The following RIMKLB variants were observed in gnomAD, a reference collection of about 807,000 sequenced individuals.
The protein encoded by RIMKLB is beta-citrylglutamate synthase B.
RIMKLB carries 7 observed loss-of-function variants against 32.0 expected under a neutral mutation model. The ratio of observed to expected loss-of-function variants is 0.22; its 90% CI spans 0.12 to 0.41. The LOEUF (loss-of-function observed/expected upper bound fraction) is 0.41. Ranked by LOEUF, RIMKLB falls within the 10% of genes least tolerant of loss-of-function variation. The pLI is 1.00. For synonymous variants in RIMKLB, 172 were observed against 185.1 expected (o/e 0.93, Z 0.57); for missense variants, 289 against 498.7 (o/e 0.58, Z 4.00).
chr12:8,755,497 A>G (rs1310866394), intron 5 of RIMKLB, among the ~76,000 whole-genome samples: 1 of 152,078 alleles, frequency 6.6e-6, no homozygotes, highest in Non-Finnish European at 1.5e-5. Flanking sequence ...TCATATTCAA[A>G]TTGTCAGGAA....
chr12:8,720,226 TAAAACA>T (rs1486972379), intron 2 of RIMKLB, among the ~76,000 whole-genome samples: 4 of 152,220 alleles, frequency 2.6e-5, no homozygotes, highest in Non-Finnish European at 5.9e-5. Context: ...AAATCCATAT[TAAAACA>T]CATTCATTAG....
intron 5 of RIMKLB, among the ~76,000 whole-genome samples, chr12:8,769,370 T>A (rs928735009): frequency 6.6e-6 from 1 of 152,164 alleles, no homozygotes; most frequent in Non-Finnish European, 1.5e-5. Flanking sequence ...ATATATACTC[T>A]GGTCAGGAGA....
intron 4 of RIMKLB, among the ~76,000 whole-genome samples, chr12:8,752,746 T>C (rs1450505982): frequency 6.7e-6 from 1 of 149,416 alleles, no homozygotes; most frequent in Non-Finnish European, 1.5e-5. Flanking sequence ...GTTTGTTTTT[T>C]GTTTTTTTTT....
chr12:8,725,573 A>G (rs548019026), intron 2 of RIMKLB, among the ~76,000 whole-genome samples: 3 of 152,154 alleles, frequency 2.0e-5, no homozygotes, highest in Non-Finnish European at 4.4e-5. Flanking sequence ...GCCCCTTTGC[A>G]TATGTTCTCA....
intron 2 of RIMKLB, among the ~76,000 whole-genome samples, chr12:8,744,816 A>G (rs774561916): frequency 6.6e-6 from 1 of 151,670 alleles, no homozygotes; most frequent in Non-Finnish European, 1.5e-5. Context: ...GTGTGCCACC[A>G]TGTCTAATTT....
rs181299812 is a variant in RIMKLB, at chr12:8,729,796, T to C, written c.175+15755T>C. On this transcript the variant is annotated intron_variant, in intron 2 of 5. Transcript: ENST00000535829. ...GTCCATTTTATGTGTTTGCTGCATT[T>C]TGTTTATCCATTTTGCATTCCCATC... Among the ~76,000 whole-genome samples, 22 of 152,248 alleles carry C rather than the reference T, an allele frequency of 1.4e-4. No homozygotes were observed. In the East Asian group the frequency reaches 3.1e-3, roughly 21 times the overall value.
chr12:8,769,841 T>G lies in RIMKLB; in HGVS notation c.698-3480T>G, dbSNP rs185337590. Among the ~76,000 whole-genome samples, 71 of 152,344 alleles carry G rather than the reference T, an allele frequency of 4.7e-4. 1 individual carries two copies. The East Asian group carries it at 9.4e-3, about 20-fold the overall frequency. On this transcript the variant is annotated intron_variant, in intron 5 of 5. Transcript: ENST00000535829. Reference sequence around the variant, plus strand: ...CTTTACTTTCCCCTGGTGTTCCTTGTTCCCTCTCCCCTCCAATGGGAATAT... The same window carrying G: ...CTTTACTTTCCCCTGGTGTTCCTTGGTCCCTCTCCCCTCCAATGGGAATAT...
intron 1 of RIMKLB, among the ~76,000 whole-genome samples, chr12:8,688,036 C>T (rs1481224606): frequency 6.6e-6 from 1 of 152,150 alleles, no homozygotes; most frequent in Non-Finnish European, 1.5e-5. Context: ...GTGGAGAATG[C>T]ACTGCCTGTG....
the RIMKLB span, among the ~76,000 whole-genome samples, chr12:8,674,518 C>G: frequency 1.1e-4 from 16 of 151,632 alleles, no homozygotes; most frequent in South Asian, 3.1e-3. Context: ...GGATTATAGG[C>G]GTGAGCCACC....
chr12:8,769,253 C>T (rs1565423794), intron 5 of RIMKLB, among the ~76,000 whole-genome samples: 1 of 151,930 alleles, frequency 6.6e-6, no homozygotes, highest in African/African-American at 2.4e-5. Flanking sequence ...CTAATGTTGT[C>T]AGAGAATGTG....
At chr12:8,718,655 A>ATGTGTGTG (rs1369568205) in intron 2 of RIMKLB, among the ~76,000 whole-genome samples, 1 of 125,072 alleles carries the variant, frequency 8.0e-6, no homozygotes, top group African/African-American at 3.2e-5. Context: ...CTCTCTCTCT[A>ATGTGTGTG]TATATATATA....
At chr12:8,769,018 T>G (rs1302525467) in intron 5 of RIMKLB, among the ~76,000 whole-genome samples, 3 of 152,228 alleles carry the variant, frequency 2.0e-5, no homozygotes, top group Non-Finnish European at 4.4e-5. Flanking sequence ...ACTTAGTTTC[T>G]TGTTTCAAAA....
At chr12:8,744,219 C>G (rs1007554279) in intron 2 of RIMKLB, among the ~76,000 whole-genome samples, 1 of 151,954 alleles carries the variant, frequency 6.6e-6, no homozygotes, top group Non-Finnish European at 1.5e-5. Flanking sequence ...GGCTCACATT[C>G]ATCTTTCCAG....
chr12:8,742,179 C>T lies in RIMKLB; in HGVS notation c.176-7683C>T, dbSNP rs376660021. Reference sequence around the variant, plus strand: ...TCCCAAAGTGTTGGGATTACAGGCACGAGCCACCATGCCCGGCTGGAGAGC... The same window carrying T: ...TCCCAAAGTGTTGGGATTACAGGCATGAGCCACCATGCCCGGCTGGAGAGC... On this transcript the variant is annotated intron_variant, in intron 2 of 5. Transcript: ENST00000535829. Among the ~76,000 whole-genome samples, 12 of 151,698 alleles carry T rather than the reference C, an allele frequency of 7.9e-5. No individual in the cohort carries two copies. The East Asian group carries it at 9.7e-4, about 12-fold the overall frequency.
At chr12:8,758,501 TTTC>T (rs1160134511) in intron 5 of RIMKLB, among the ~76,000 whole-genome samples, 22 of 152,178 alleles carry the variant, frequency 1.4e-4, no homozygotes, top group East Asian at 5.8e-4. Context: ...GTCTGTGGTA[TTTC>T]TTCTTCTTTT....
intron 1 of RIMKLB, among the ~76,000 whole-genome samples, chr12:8,682,662 C>T (rs1193516328): frequency 2.0e-5 from 3 of 151,780 alleles, no homozygotes; most frequent in Admixed American, 6.6e-5. Flanking sequence ...GTCCCAGCTA[C>T]TCGGGAGGCT....
intron 2 of RIMKLB, among the ~76,000 whole-genome samples, chr12:8,727,537 A>G (rs1384019897): frequency 2.6e-5 from 4 of 152,188 alleles, no homozygotes; most frequent in Non-Finnish European, 5.9e-5. Flanking sequence ...GCACTCAGCC[A>G]AAGTAGGCAC....
intron 2 of RIMKLB, among the ~76,000 whole-genome samples, chr12:8,738,005 C>T (rs1947176309): frequency 1.3e-5 from 2 of 152,270 alleles, no homozygotes; most frequent in East Asian, 1.9e-4. Context: ...TGAGCCACTG[C>T]GCCTGGCCCA....
chr12:8,759,325 G>A (rs1319003832), intron 5 of RIMKLB, among the ~76,000 whole-genome samples: 1 of 152,166 alleles, frequency 6.6e-6, no homozygotes, highest in African/African-American at 2.4e-5. Flanking sequence ...AACCTGGGAG[G>A]TAGAGGTTGC....
Sources: gnomAD v4.1 joint callset for allele counts (sites outside exome capture counted in the v4.1 genomes callset) on GRCh38, gnomAD v4.1.1 for gene constraint, MANE v1.5 for transcripts, NCBI Gene and HGNC (gene_info 2026-07-23, HGNC 2026-07-21) for gene names.